CTC1: variants seen among roughly 807,000 people sequenced by gnomAD.
CTC1 encodes the protein CST complex subunit CTC1.
Under a neutral mutation model 136.3 loss-of-function variants are expected in CTC1, and 91 were observed. The observed-to-expected ratio is 0.67, with a 90% CI of 0.56 to 0.79. CTC1 has a LOEUF of 0.79. CTC1 is among the 30% of genes least tolerant of loss of function. CTC1 has a pLI of 0.00. For missense variants in CTC1, 1,432 were observed against 1,498.1 expected (o/e 0.96, Z 0.73); for synonymous variants, 606 against 613.8 (o/e 0.99, Z 0.19).
rs757358068 is a variant in CTC1 at position 8,238,060 on chromosome 17, T to C, written c.618A>G (p.Pro206=). 8 of 1,613,988 alleles carry C rather than the reference T, an allele frequency of 5.0e-6. No individual in the cohort carries two copies. In the South Asian group the frequency reaches 7.7e-5, roughly 16 times the overall value. The change falls in exon 4 of 23, where the codon CCA becomes CCG. Residue 206 remains proline, a synonymous_variant. Coordinates refer to ENST00000651323, the MANE Select transcript of CTC1 (RefSeq NM_025099.6). ...GCCTGAGCAGGCAGGAAGCACTCTCTGGGTAGAGGACAGGGATAGGCGTGA... is the reference window on the plus strand; with the variant it reads ...GCCTGAGCAGGCAGGAAGCACTCTCCGGGTAGAGGACAGGGATAGGCGTGA... ...GPVTPIPVLY[P]ESASCLLRLR...
At position 8,236,077 on chromosome 17, in the gene CTC1, G is replaced by C. The variant is rs754421349; in HGVS notation, c.1058C>G (p.Ser353Cys). ...GCTCACCGAATAGGATAGGAGTCTA[G>C]AATACCGGACAAGACTTTCTGGATC... ...KKDPESLVRY[S>C]RLLSYSGAVT... Residue 353 changes from serine (S) to cysteine (C), a missense_variant, in exon 6 of 23, where the codon TCT becomes TGT. Coordinates refer to ENST00000651323, the MANE Select transcript of CTC1 (RefSeq NM_025099.6). The C allele has an allele frequency of 2.5e-6, 4 of 1,613,932 alleles. No individual in the cohort carries two copies. The highest frequency in any genetic ancestry group is 3.4e-6 in the Non-Finnish European group (4 of 1,179,870).
In CTC1 at chr17:8,234,941, G is replaced by A; in HGVS notation, c.1440-15C>T. The A allele has an allele frequency of 6.3e-7, 1 of 1,593,520 alleles. No homozygotes were observed. ...GGGGACACAGCCTTGGCCAGGAAAA[G>A]CAGCACAGTCACTTCCCCTGAAGAG... is the stretch of plus-strand genomic sequence containing the variant. On this transcript the variant is annotated splice_polypyrimidine_tract_variant and intron_variant, in intron 8 of 22. Coordinates refer to ENST00000651323, the MANE Select transcript of CTC1 (RefSeq NM_025099.6).
rs66582670 is a variant in CTC1 at position 8,236,021 on chromosome 17, T to C, written c.1077+37A>G. ...CTTCCTCTTTGAAAACCCACATTTC[T>C]GGCCCCTCAAGCTCTAGGATCTCTC... On this transcript the variant is annotated intron_variant, in intron 6 of 22. Transcript: ENST00000651323. 480,913 of 1,598,522 alleles carry C rather than the reference T, an allele frequency of 0.3. 74,320 individuals are homozygous for C. Among genetic ancestry groups the C allele is most frequent in the Admixed American group, 0.5 (29,442 of 59,394 alleles).
intron 2 of CTC1, among the ~76,000 whole-genome samples, chr17:8,242,669 T>C (rs1195234209): frequency 1.3e-5 from 2 of 151,382 alleles, no homozygotes; most frequent in Non-Finnish European, 2.9e-5. Flanking sequence ...AACAGTTCTC[T>C]GTATCTTTGT....
chr17:8,231,959 C>G lies in CTC1; in HGVS notation c.2329G>C (p.Glu777Gln), dbSNP rs753665719. Residue 777 changes from glutamate (E) to glutamine (Q), a missense_variant, in exon 13 of 23, where the codon GAG becomes CAG. Physicochemically the swap from Glu to Gln is conservative, Grantham distance 29. Coordinates refer to ENST00000651323, the MANE Select transcript of CTC1 (RefSeq NM_025099.6). ...TCGGGCAGCCCCCATCCAGTACCCT[C>G]CTTCCTCTGGGTGCCCCCAAGCCAG... ...GSWLGGTQRK[E>Q]GTGWGLPEPQ... The G allele has an allele frequency of 9.3e-6, 15 of 1,612,646 alleles. No homozygotes were observed. Among genetic ancestry groups the G allele is most frequent in the Admixed American group, 1.7e-5 (1 of 59,800 alleles).
At position 8,235,228 on chromosome 17, in the gene CTC1, C is replaced by G; in HGVS notation, c.1264G>C (p.Ala422Pro). 1 of 1,614,106 alleles carries G rather than the reference C, an allele frequency of 6.2e-7. No homozygotes were observed. The change falls in exon 8 of 23, where the codon GCC becomes CCC. Residue 422 changes from alanine (A) to proline (P), a missense_variant. Ala to Pro is a conservative substitution (Grantham distance 27). Coordinates refer to ENST00000651323, the MANE Select transcript of CTC1 (RefSeq NM_025099.6). ...AGAACGGCGCCACGGAGGCAGGGGG[C>G]GAGCACTGGCCTTCTTGTCCCCCCT... ...VGGGTRRPVL[A>P]PCLRGAVLLQ...
rs1986633590 is a variant in CTC1 at position 8,226,230 on chromosome 17, AAT to A, written c.*1948_*1949del. The A allele has an allele frequency of 6.6e-6, 1 of 152,274 alleles. No homozygotes were observed. Among genetic ancestry groups the A allele is most frequent in the African/African-American group, 2.4e-5 (1 of 41,456 alleles). The allele number at this position is 152,274 out of a possible 1,614,324, so 9.4% of individuals were successfully genotyped here. ...CCGCAAAATCACGCTGTTTCAATTG[AAT>A]AAAGGCACCGCTGGGATTCGAACCC... On this transcript the variant is annotated 3_prime_UTR_variant, in exon 23 of 23. Transcript: ENST00000651323.
intron 1 of CTC1, among the ~76,000 whole-genome samples, chr17:8,246,767 G>A (rs888623168): frequency 2.6e-5 from 4 of 151,760 alleles, no homozygotes; most frequent in Non-Finnish European, 5.9e-5. Context: ...GCATGGCGGC[G>A]CGTGCCTGTA....
At position 8,226,541 on chromosome 17, in the gene CTC1, G is replaced by C. The variant is rs1354573239; in HGVS notation, c.*1639C>G. ...TCTAGAGTTCCTAGATGAGAGGTTT[G>C]GAGGGTGCCGACTGGATCATCCCAT... On this transcript the variant is annotated 3_prime_UTR_variant, in exon 23 of 23. Transcript: ENST00000651323. 1 of 152,194 alleles carries C rather than the reference G, an allele frequency of 6.6e-6. No individual in the cohort carries two copies. Among genetic ancestry groups the C allele is most frequent in the Non-Finnish European group, 1.5e-5 (1 of 68,028 alleles). The allele number at this position is 152,194 out of a possible 1,614,324, so 9.4% of individuals were successfully genotyped here.
chr17:8,225,656 C>T lies in CTC1; in HGVS notation c.*2524G>A, dbSNP rs1301710585. The T allele has an allele frequency of 6.6e-6, 1 of 152,208 alleles. No homozygotes were observed. Among genetic ancestry groups the T allele is most frequent in the East Asian group, 1.9e-4 (1 of 5,196 alleles). 9.4% of individuals were successfully genotyped at this position (152,208 alleles called of 1,614,324 possible). On this transcript the variant is annotated 3_prime_UTR_variant, in exon 23 of 23. Coordinates refer to ENST00000651323, the MANE Select transcript of CTC1 (RefSeq NM_025099.6). ...CCTTCTGCACCCTGCTGCACGAAACCTGGTGCCAGGCCAGGCCAGGCCAGC... is the reference window on the plus strand; with the variant it reads ...CCTTCTGCACCCTGCTGCACGAAACTTGGTGCCAGGCCAGGCCAGGCCAGC...
intron 3 of CTC1, 22 bp from the exon 4 acceptor site, chr17:8,238,264 G>A (rs1987918108): frequency 1.3e-6 from 2 of 1,584,350 alleles, no homozygotes; most frequent in African/African-American, 2.7e-5. Flanking sequence ...CAAGAGCAAG[G>A]GTTAATCAGA....
chr17:8,246,469 C>T (rs12051691), intron 1 of CTC1, among the ~76,000 whole-genome samples: 76,255 of 151,916 alleles, frequency 0.5, 19,661 homozygotes, highest in South Asian at 0.61. Flanking sequence ...TCCACAAAAC[C>T]CTGTCCTTTT....
At chr17:8,242,522 T>C (rs1381210164) in intron 2 of CTC1, among the ~76,000 whole-genome samples, 2 of 113,720 alleles carry the variant, frequency 1.8e-5, no homozygotes, top group African/African-American at 3.6e-5. Flanking sequence ...TTGGAAATGA[T>C]AGTGTAGAGA....
intron 4 of CTC1, among the ~76,000 whole-genome samples, chr17:8,237,794 C>T (rs535591082): frequency 8.6e-4 from 129 of 150,010 alleles, no homozygotes; most frequent in Non-Finnish European, 9.9e-4. Flanking sequence ...ACAAAATGTC[C>T]ATAGCCCAAA....
At position 8,230,564 on chromosome 17, in the gene CTC1, C is replaced by G. The variant is rs1264835628; in HGVS notation, c.2757G>C (p.Leu919=). Residue 919 remains leucine, a splice_region_variant and synonymous_variant, in exon 16 of 23, where the codon CTG becomes CTC. Coordinates refer to ENST00000651323, the MANE Select transcript of CTC1 (RefSeq NM_025099.6). ...TCCCCACAAAGGAAGGGTCATTACCCAGTTTCATCCAGAGAGACGCCACAA... is the reference window on the plus strand; with the variant it reads ...TCCCCACAAAGGAAGGGTCATTACCGAGTTTCATCCAGAGAGACGCCACAA... ...EPLVASLWMK[L]GNTGAMRRCV... is the part of the protein sequence containing the mutation. 6.2e-7 allele frequency: 1 copy of G among 1,613,968 alleles called. No homozygotes were observed. Among genetic ancestry groups the G allele is most frequent in the Non-Finnish European group, 8.5e-7 (1 of 1,179,964 alleles).
In CTC1 at chr17:8,243,054, A is replaced by G. The variant is rs1327428349; in HGVS notation, c.128T>C (p.Ile43Thr). ...CAACCAGACAGTCTTCACACAATCA[A>G]TTACCAATGGAGTCAACTGGACATT... ...EPNVQLTPLV[I>T]DCVKTVWLSQ... is the part of the protein sequence containing the mutation. The change falls in exon 2 of 23, where the codon ATT (isoleucine) becomes ACT (threonine). Residue 43 changes from isoleucine to threonine, a missense_variant. Transcript: ENST00000651323. 1 of 1,613,988 alleles carries G rather than the reference A, an allele frequency of 6.2e-7. No homozygotes were observed. The highest frequency in any genetic ancestry group is 8.5e-7 in the Non-Finnish European group (1 of 1,179,954).
In CTC1 at chr17:8,231,740, C is replaced by T. The variant is rs771475755; in HGVS notation, c.2461G>A (p.Ala821Thr). ...LHPGQVYRLI[A>T]PGPATPMLFE... The stretch of plus-strand genomic sequence containing the variant: ...AGGACACTCACAGCGGGGCCAGGAG[C>T]TATGAGTCGGTACACCTGTCCCGGG... The change falls in exon 14 of 23, where the codon GCT (alanine) becomes ACT (threonine). Residue 821 changes from alanine to threonine, a missense_variant. By Grantham distance (58) the Ala-to-Thr change is moderately conservative. Coordinates refer to ENST00000651323, the MANE Select transcript of CTC1 (RefSeq NM_025099.6). The T allele has an allele frequency of 6.2e-7, 1 of 1,614,006 alleles. No individual in the cohort carries two copies. Among genetic ancestry groups the T allele is most frequent in the Non-Finnish European group, 8.5e-7 (1 of 1,179,870 alleles).
rs573261085 is a variant in CTC1, at chr17:8,227,118, A to G, written c.*1062T>C. The G allele has an allele frequency of 2.0e-5, 3 of 150,556 alleles. No individual in the cohort carries two copies. The highest frequency in any genetic ancestry group is 6.6e-5 in the Admixed American group (1 of 15,224). 9.3% of individuals were successfully genotyped at this position (150,556 alleles called of 1,614,324 possible). A position where few individuals can be genotyped will look rare whatever the true frequency, so the allele number is the denominator to read the frequency against. On this transcript the variant is annotated 3_prime_UTR_variant, in exon 23 of 23. Coordinates refer to ENST00000651323, the MANE Select transcript of CTC1 (RefSeq NM_025099.6). ...TAATATAGGGTATTGCTACCATAAA[A>G]GCAGCATAAATCCCAACATATGGGT...
intron 2 of CTC1, among the ~76,000 whole-genome samples, chr17:8,240,224 G>A (rs905259941): frequency 2.7e-5 from 4 of 148,956 alleles, no homozygotes; most frequent in East Asian, 2.0e-4. Context: ...GCGTGAACTC[G>A]GCTCACTGCA....
Sources: gnomAD v4.1 joint callset for allele counts (sites outside exome capture counted in the v4.1 genomes callset) on GRCh38, gnomAD v4.1.1 for gene constraint, MANE v1.5 for transcripts, NCBI Gene and HGNC (gene_info 2026-07-23, HGNC 2026-07-21) for gene names.